The following DPP10 variants were observed in gnomAD, a reference collection of about 807,000 sequenced individuals.
The protein encoded by DPP10 is dipeptidyl peptidase like 10.
In DPP10, 33 loss-of-function variants were observed where a neutral mutation model predicts 120.9. The ratio of observed to expected loss-of-function variants is 0.27; its 90% confidence interval spans 0.21 to 0.37. DPP10 has a LOEUF of 0.37. Among genes scored for constraint, DPP10 ranks in the 10% least tolerant of loss-of-function variants. The probability of loss-of-function intolerance (pLI) is 1.00; values close to 1 mark genes in which losing one functional copy is unlikely to be tolerated. For synonymous variants in DPP10, 337 were observed against 326.1 expected, an observed-to-expected ratio of 1.03 and a Z score of -0.36; for missense variants, 816 against 942.8, an observed-to-expected ratio of 0.87 and a Z score of 1.76.
chr2:115,195,190 C>T (rs926539829), intron 1 of DPP10, among the ~76,000 whole-genome samples: 1 of 152,116 alleles, frequency 6.6e-6, no homozygotes, highest in South Asian at 2.1e-4. Context: ...AATTTGGATT[C>T]AATGTGGGTG....
At chr2:115,085,843 C>A (rs1177945103) in intron 1 of DPP10, among the ~76,000 whole-genome samples, 1 of 152,146 alleles carries the variant, frequency 6.6e-6, no homozygotes, top group Non-Finnish European at 1.5e-5. Context: ...ACATATGTGC[C>A]ATCACCAACT....
chr2:115,660,708 C>T (rs4848395), intron 5 of DPP10, among the ~76,000 whole-genome samples: 86,735 of 119,800 alleles, frequency 0.72, 31,585 homozygotes, highest in East Asian at 0.92. Context: ...AATTGCATTG[C>T]ATGGATGTGT....
intron 7 of DPP10, among the ~76,000 whole-genome samples, chr2:115,723,056 G>T (rs948078694): frequency 2.0e-5 from 3 of 152,082 alleles, no homozygotes; most frequent in Non-Finnish European, 4.4e-5. Flanking sequence ...GACTGGTAGA[G>T]CTCTCCTTTT....
At chr2:114,479,773 C>T (rs1345618239) in intron 1 of DPP10, among the ~76,000 whole-genome samples, 2 of 152,120 alleles carry the variant, frequency 1.3e-5, no homozygotes, top group African/African-American at 2.4e-5. Context: ...AGAAGAAAAC[C>T]TAGGCAATAC....
chr2:114,512,877 GA>G (rs1245071314), intron 1 of DPP10, among the ~76,000 whole-genome samples: 1 of 152,162 alleles, frequency 6.6e-6, no homozygotes, highest in Non-Finnish European at 1.5e-5. Flanking sequence ...CTGCACCTCT[GA>G]CCAGCCTCAA....
intron 1 of DPP10, among the ~76,000 whole-genome samples, chr2:114,875,417 C>CT (rs1691074883): frequency 6.6e-6 from 1 of 152,092 alleles, no homozygotes; most frequent in Non-Finnish European, 1.5e-5. Context: ...CTTACTTCAA[C>CT]TTATTGCAGA....
intron 1 of DPP10, among the ~76,000 whole-genome samples, chr2:114,948,545 T>C (rs1253795689): frequency 1.3e-5 from 2 of 152,190 alleles, no homozygotes; most frequent in Non-Finnish European, 2.9e-5. Flanking sequence ...TTTTTCCCTT[T>C]TTATAATTTT....
intron 1 of DPP10, among the ~76,000 whole-genome samples, chr2:115,268,903 A>G (rs1331149280): frequency 1.1e-5 from 1 of 92,220 alleles, no homozygotes; most frequent in Non-Finnish European, 2.4e-5. Context: ...TAATCCCAGC[A>G]CTTTAGGAGG....
chr2:114,673,374 T>C (rs1186721200), intron 1 of DPP10, among the ~76,000 whole-genome samples: 1 of 152,188 alleles, frequency 6.6e-6, no homozygotes, highest in Non-Finnish European at 1.5e-5. Context: ...TATTTCCTAC[T>C]CAGATCTCAT....
At chr2:114,729,577 G>A (rs1172356865) in intron 1 of DPP10, among the ~76,000 whole-genome samples, 1 of 152,170 alleles carries the variant, frequency 6.6e-6, no homozygotes, top group Non-Finnish European at 1.5e-5. Flanking sequence ...AAGTCCCCTG[G>A]GAATTTGTCA....
In DPP10 at chr2:115,390,048, G is replaced by A. The variant is rs78302730; in HGVS notation, c.271+46136G>A. ...GACAAAGTAGTTCTATATACAACAA[G>A]GTTATTTGCTGGACCCAGCCCTACA... On this transcript the variant is annotated intron_variant, in intron 3 of 25. Transcript: ENST00000410059. Among the ~76,000 whole-genome samples the A allele has an allele frequency of 5.2e-3, 799 of 152,222 alleles. 34 individuals carry two copies. In the East Asian group the frequency reaches 0.12, roughly 22 times the overall value.
intron 1 of DPP10, among the ~76,000 whole-genome samples, chr2:115,269,341 A>C (rs540659177): frequency 6.6e-6 from 1 of 152,304 alleles, no homozygotes; most frequent in South Asian, 2.1e-4. Flanking sequence ...TTTGTTATCT[A>C]TTGCTCCATA....
At chr2:115,392,802 A>C (rs1197591731) in intron 3 of DPP10, among the ~76,000 whole-genome samples, 1 of 152,184 alleles carries the variant, frequency 6.6e-6, no homozygotes, top group African/African-American at 2.4e-5. Context: ...GTCATCATTA[A>C]ATGAGTTTTT....
intron 21 of DPP10, among the ~76,000 whole-genome samples, chr2:115,820,799 ATGTGTGTGTG>A (rs869085100): frequency 1.4e-4 from 15 of 105,554 alleles, no homozygotes; most frequent in Admixed American, 4.2e-4. Flanking sequence ...TCCATGGTGT[ATGTGTGTGTG>A]TGTGTGTGTG....
At chr2:115,176,908 G>A (rs1239099142) in intron 1 of DPP10, among the ~76,000 whole-genome samples, 8 of 152,160 alleles carry the variant, frequency 5.3e-5, no homozygotes, top group African/African-American at 1.9e-4. Context: ...GCTCCCTTAG[G>A]CAATGCACTG....
intron 1 of DPP10, among the ~76,000 whole-genome samples, chr2:114,868,816 T>A (rs1270127212): frequency 6.6e-6 from 1 of 152,160 alleles, no homozygotes; most frequent in Admixed American, 6.6e-5. Context: ...TCTTAAGGCA[T>A]CAGAGCATGA....
chr2:114,750,338 A>ATT (rs543605794), intron 1 of DPP10, among the ~76,000 whole-genome samples: 16 of 145,584 alleles, frequency 1.1e-4, no homozygotes, highest in African/African-American at 3.5e-4. Flanking sequence ...ACATCAATAT[A>ATT]TTTTTTTTTT....
intron 2 of DPP10, chr2:115,342,276 A>G (rs2063488632): frequency 8.6e-6 from 3 of 349,100 alleles, no homozygotes; most frequent in Non-Finnish European, 1.7e-5. Context: ...GTGCGATCTC[A>G]GCTCACTGCA....
chr2:115,192,982 T>A (rs969906156), intron 1 of DPP10, among the ~76,000 whole-genome samples: 36 of 151,740 alleles, frequency 2.4e-4, no homozygotes, highest in Middle Eastern at 3.4e-3. Context: ...AAAAAAAAAA[T>A]TTTTAACCTT....
Sources: gnomAD v4.1 joint callset for allele counts (sites outside exome capture counted in the v4.1 genomes callset) on GRCh38, gnomAD v4.1.1 for gene constraint, MANE v1.5 for transcripts, NCBI Gene and HGNC (gene_info 2026-07-23, HGNC 2026-07-21) for gene names.